The following THSD7B variants were observed in gnomAD, a reference collection of about 807,000 sequenced individuals.
THSD7B encodes the protein thrombospondin type 1 domain containing 7B.
In THSD7B, 138 loss-of-function variants were observed where a neutral mutation model predicts 213.6. That is an observed-to-expected ratio of 0.65 (90% CI 0.56 to 0.74). The LOEUF is 0.74. Among genes scored for constraint, THSD7B ranks in the 30% least tolerant of loss-of-function variants. The probability of loss-of-function intolerance (pLI) is 0.00; values close to 1 mark genes in which losing one functional copy is unlikely to be tolerated. For synonymous variants in THSD7B, 742 were observed against 687.0 expected (o/e 1.08, Z -1.25); for missense variants, 1,931 against 1,991.5 (o/e 0.97, Z 0.58).
Position 137,677,423 on chromosome 2 carries a change from T to G in THSD7B, c.*818T>G, listed in dbSNP as rs1055550863. 6.6e-6 allele frequency: 1 copy of G among 152,404 alleles called. No individual in the cohort carries two copies. The highest frequency in any genetic ancestry group is 1.5e-5 in the Non-Finnish European group (1 of 68,028). The allele number at this position is 152,404 out of a possible 1,614,324, so 9.4% of individuals were successfully genotyped here. ...TAGCATTAACCACACACAGTTGTAA[T>G]TCAGTTTAATGATGACAAACTCTGC... On this transcript the variant is annotated 3_prime_UTR_variant, in exon 28 of 28. Transcript: ENST00000409968.
intron 17 of THSD7B, among the ~76,000 whole-genome samples, chr2:137,612,875 A>G (rs1170645339): frequency 1.3e-5 from 2 of 152,204 alleles, no homozygotes; most frequent in African/African-American, 2.4e-5. Context: ...AATAAACTAT[A>G]TATTTAACAA....
intron 3 of THSD7B, among the ~76,000 whole-genome samples, chr2:137,067,141 A>G (rs1687397734): frequency 6.6e-6 from 1 of 152,142 alleles, no homozygotes; most frequent in Admixed American, 6.6e-5. Flanking sequence ...CAGTTGTGCT[A>G]CATTTCCAGT....
At chr2:137,525,015 T>A (rs563264351) in intron 15 of THSD7B, among the ~76,000 whole-genome samples, 1 of 152,322 alleles carries the variant, frequency 6.6e-6, no homozygotes, top group Non-Finnish European at 1.5e-5. Context: ...GTGAGGTCGT[T>A]GTTGGTGTGC....
chr2:137,581,685 G>A (rs1157549695), intron 17 of THSD7B, among the ~76,000 whole-genome samples: 19 of 149,722 alleles, frequency 1.3e-4, no homozygotes, highest in Admixed American at 2.7e-4. Context: ...GCGTGAACCC[G>A]GGAGGCGGAG....
chr2:137,478,567 A>ACTTTT (rs916800107), intron 15 of THSD7B, among the ~76,000 whole-genome samples: 78 of 151,514 alleles, frequency 5.1e-4, no homozygotes, highest in African/African-American at 1.8e-3. Flanking sequence ...AAAATTTCAT[A>ACTTTT]TTTTTCATTG....
At chr2:137,078,941 T>C (rs2104902079) in intron 3 of THSD7B, among the ~76,000 whole-genome samples, 1 of 152,336 alleles carries the variant, frequency 6.6e-6, no homozygotes, top group East Asian at 1.9e-4. Context: ...ATTCTGGTTT[T>C]ATTGCATTGT....
chr2:137,563,081 T>A (rs1211605942), intron 15 of THSD7B, 140 bp from the exon 16 acceptor site: 21 of 873,268 alleles, frequency 2.4e-5, no homozygotes, highest in East Asian at 2.9e-5. Context: ...TCTATCTTGC[T>A]TTTTTGGGAA....
intron 15 of THSD7B, among the ~76,000 whole-genome samples, chr2:137,506,009 G>A (rs1191454986): frequency 2.0e-5 from 3 of 152,168 alleles, no homozygotes; most frequent in African/African-American, 4.8e-5. Context: ...GCTTGTAAAG[G>A]AGGTAGTTGA....
At position 137,115,055 on chromosome 2, in the gene THSD7B, T is replaced by G. The variant is rs1024240635; in HGVS notation, c.1200-69T>G. ...GATTATGCCTCTTGATGTCATGACT[T>G]AAGTTTTCCTCAGAGTTGTATATTT... On this transcript the variant is annotated intron_variant, in intron 4 of 27. Transcript: ENST00000409968. 1.3e-5 allele frequency: 20 copies of G among 1,579,640 alleles called. No individual in the cohort carries two copies. In the African/African-American group the frequency reaches 2.3e-4, roughly 18 times the overall value.
intron 2 of THSD7B, among the ~76,000 whole-genome samples, chr2:136,969,531 A>G (rs560240983): frequency 6.6e-6 from 1 of 152,200 alleles, no homozygotes; most frequent in Non-Finnish European, 1.5e-5. Context: ...TGACTTCATT[A>G]ATCAATTCAT....
chr2:137,360,013 G>A (rs1384906328), intron 12 of THSD7B, among the ~76,000 whole-genome samples: 3 of 152,018 alleles, frequency 2.0e-5, no homozygotes, highest in African/African-American at 7.2e-5. Flanking sequence ...AATCTAGCAG[G>A]GCCATATTAA....
At chr2:137,494,279 T>C (rs1292208683) in intron 15 of THSD7B, among the ~76,000 whole-genome samples, 2 of 152,146 alleles carry the variant, frequency 1.3e-5, no homozygotes, top group African/African-American at 2.4e-5. Context: ...TCTTCATTTT[T>C]ATAAATGAGA....
chr2:136,975,734 T>C (rs1388524242), intron 2 of THSD7B, among the ~76,000 whole-genome samples: 1 of 152,206 alleles, frequency 6.6e-6, no homozygotes, highest in Non-Finnish European at 1.5e-5. Context: ...ATGTCAATGG[T>C]AGTTTGATGG....
At chr2:137,555,994 A>G (rs1190789600) in intron 15 of THSD7B, among the ~76,000 whole-genome samples, 1 of 152,222 alleles carries the variant, frequency 6.6e-6, no homozygotes, top group Admixed American at 6.5e-5. Flanking sequence ...GTTTAGAGAA[A>G]GAAGAGAAAA....
chr2:137,468,663 T>C (rs1688038795), intron 15 of THSD7B, among the ~76,000 whole-genome samples: 2 of 150,662 alleles, frequency 1.3e-5, no homozygotes, highest in South Asian at 4.3e-4. Flanking sequence ...GGTAGAACTT[T>C]TGACATAGTG....
intron 12 of THSD7B, among the ~76,000 whole-genome samples, chr2:137,313,619 T>G (rs957201824): frequency 2.0e-5 from 3 of 152,034 alleles, no homozygotes; most frequent in African/African-American, 7.3e-5. Flanking sequence ...CTTTACATTT[T>G]GGCATGATTT....
chr2:137,474,730 A>T, intron 15 of THSD7B, among the ~76,000 whole-genome samples: 1 of 151,914 alleles, frequency 6.6e-6, no homozygotes, highest in South Asian at 2.1e-4. Context: ...ATTCTTAGTC[A>T]TTTATTTGTT....
chr2:137,532,218 C>T (rs1389811380), intron 15 of THSD7B, among the ~76,000 whole-genome samples: 1 of 151,830 alleles, frequency 6.6e-6, no homozygotes, highest in Non-Finnish European at 1.5e-5. Context: ...TTCAGTAGAG[C>T]CATCTTGATC....
In THSD7B at chr2:136,860,196, C is replaced by A. The variant is rs116969088; in HGVS notation, c.-35-21948C>A. On this transcript the variant is annotated intron_variant, in intron 1 of 27. Coordinates refer to ENST00000409968, the MANE Select transcript of THSD7B (RefSeq NM_001316349.2). ...GAGTTGAGGATGGTATCTTAGGAGG[C>A]CAGGGCAGTAGAATGAGAGAACTCA... Among the ~76,000 whole-genome samples the A allele has an allele frequency of 3.9e-3, 598 of 151,686 alleles. 21 individuals are homozygous for A. In the East Asian group the frequency reaches 0.088, roughly 22 times the overall value.
Sources: gnomAD v4.1 joint callset for allele counts (sites outside exome capture counted in the v4.1 genomes callset) on GRCh38, gnomAD v4.1.1 for gene constraint, MANE v1.5 for transcripts, NCBI Gene and HGNC (gene_info 2026-07-23, HGNC 2026-07-21) for gene names.